BOLL: variants seen among roughly 807,000 people sequenced by gnomAD.
BOLL encodes protein boule-like.
Under a neutral mutation model 44.4 loss-of-function variants are expected in BOLL, and 23 were observed. That is an observed-to-expected ratio of 0.52 (90% confidence interval 0.37 to 0.73). BOLL has a LOEUF of 0.73. BOLL is among the 30% of genes least tolerant of loss of function. The pLI, the probability that BOLL is intolerant of heterozygous loss-of-function variation, is 0.00. For synonymous variants in BOLL, 97 were observed against 110.8 expected (o/e 0.88, Z 0.78); for missense variants, 287 against 338.3 (o/e 0.85, Z 1.19).
rs1689013957 is a variant in BOLL at position 197,766,623 on chromosome 2, G to T, written c.481-20C>A. 1 of 1,579,030 alleles carries T rather than the reference G, an allele frequency of 6.3e-7. No individual in the cohort carries two copies. Among genetic ancestry groups the T allele is most frequent in the East Asian group, 2.2e-5 (1 of 44,640 alleles). On this transcript the variant is annotated intron_variant, in intron 6 of 10. Coordinates refer to ENST00000392296, the MANE Select transcript of BOLL (RefSeq NM_033030.6). ...ACGTGACTATAAAAGGATGGAAAAA[G>T]AAAAATTAGGCAGAAGCCTTTAAAA...
intron 1 of BOLL, among the ~76,000 whole-genome samples, chr2:197,782,340 C>T (rs893957810): frequency 1.1e-4 from 16 of 152,074 alleles, no homozygotes; most frequent in Admixed American, 1.0e-3. Flanking sequence ...AAAACAAGAC[C>T]ACTCCATAAT....
chr2:197,757,142 A>G (rs1038188518), intron 8 of BOLL, among the ~76,000 whole-genome samples: 8 of 152,172 alleles, frequency 5.3e-5, no homozygotes. Flanking sequence ...ATCATTTGAT[A>G]TTCACAAAAA....
intron 9 of BOLL, among the ~76,000 whole-genome samples, chr2:197,747,766 T>C (rs915730441): frequency 6.6e-6 from 1 of 152,120 alleles, no homozygotes; most frequent in Admixed American, 6.6e-5. Flanking sequence ...AATTTCTTAA[T>C]CTTTCACCAC....
intron 9 of BOLL, among the ~76,000 whole-genome samples, chr2:197,754,057 G>C (rs1688388138): frequency 6.6e-6 from 1 of 152,134 alleles, no homozygotes; most frequent in African/African-American, 2.4e-5. Context: ...AACACTGCAT[G>C]TTCTCACTCA....
At chr2:197,756,747 T>C (rs1316550400) in intron 8 of BOLL, among the ~76,000 whole-genome samples, 191 bp from the exon 9 acceptor site, 1 of 152,140 alleles carries the variant, frequency 6.6e-6, no homozygotes, top group Non-Finnish European at 1.5e-5. Context: ...TAGATGTAGT[T>C]AAAGAATCTT....
At chr2:197,777,208 C>A in intron 3 of BOLL, 95 bp from the exon 4 acceptor site, 1 of 782,228 alleles carries the variant, frequency 1.3e-6, no homozygotes, top group Non-Finnish European at 1.9e-6. Flanking sequence ...TTTAAATCAT[C>A]GGCCACTGTA....
At chr2:197,734,006 A>G (rs1687347379) in intron 10 of BOLL, among the ~76,000 whole-genome samples, 2 of 151,770 alleles carry the variant, frequency 1.3e-5, no homozygotes, top group South Asian at 4.1e-4. Context: ...AAAAGAAACT[A>G]CCATCAGAGT....
intron 10 of BOLL, among the ~76,000 whole-genome samples, chr2:197,735,900 T>C (rs1265290202): frequency 6.6e-6 from 1 of 152,172 alleles, no homozygotes; most frequent in African/African-American, 2.4e-5. Flanking sequence ...GGTTTTCTTC[T>C]AACGTGGCTG....
intron 7 of BOLL, among the ~76,000 whole-genome samples, chr2:197,757,754 G>A (rs1033014019): frequency 6.6e-6 from 1 of 152,106 alleles, no homozygotes; most frequent in East Asian, 1.9e-4. Flanking sequence ...CCCACAGGAT[G>A]AGAGAAAACA....
chr2:197,728,382 A>C lies in BOLL; in HGVS notation c.*173T>G, dbSNP rs1372637080. The C allele has an allele frequency of 1.8e-6, 2 of 1,098,534 alleles. No homozygotes were observed. The highest frequency in any genetic ancestry group is 2.6e-6 in the Non-Finnish European group (2 of 777,226). 68.0% of individuals were successfully genotyped at this position (1,098,534 alleles called of 1,614,324 possible). The stretch of plus-strand genomic sequence containing the variant: ...TTTTGTAGAACAGCTGAAAAAGCAA[A>C]TTTCATCAAATTTAGACAGCTTATA... On this transcript the variant is annotated 3_prime_UTR_variant, in exon 11 of 11. Transcript: ENST00000392296.
Position 197,727,452 on chromosome 2 carries a change from G to C in BOLL, c.*1103C>G, listed in dbSNP as rs916087314. 2.6e-5 allele frequency: 4 copies of C among 152,262 alleles called. No individual in the cohort carries two copies. Among genetic ancestry groups the C allele is most frequent in the Admixed American group, 6.5e-5 (1 of 15,272 alleles). 9.4% of individuals were successfully genotyped at this position (152,262 alleles called of 1,614,324 possible). On this transcript the variant is annotated 3_prime_UTR_variant, in exon 11 of 11. Transcript: ENST00000392296. ...TTCCTGTACTACTGTAGAAATTTTA[G>C]AGATTAAAAACCCCTATGATTTGTT...
intron 6 of BOLL, among the ~76,000 whole-genome samples, chr2:197,769,072 A>G: frequency 6.6e-6 from 1 of 151,930 alleles, no homozygotes; most frequent in Non-Finnish European, 1.5e-5. Flanking sequence ...CCAGTATTTT[A>G]TTGAGGATTT....
At chr2:197,734,800 G>A (rs1687403063) in intron 10 of BOLL, among the ~76,000 whole-genome samples, 1 of 152,032 alleles carries the variant, frequency 6.6e-6, no homozygotes, top group South Asian at 2.1e-4. Flanking sequence ...CACACAGAGG[G>A]GACTGTTGCG....
chr2:197,727,795 G>C lies in BOLL; in HGVS notation c.*760C>G, dbSNP rs1686909825. 6.6e-6 allele frequency: 1 copy of C among 152,124 alleles called. No individual in the cohort carries two copies. The highest frequency in any genetic ancestry group is 2.1e-4 in the South Asian group (1 of 4,830). 9.4% of individuals were successfully genotyped at this position (152,124 alleles called of 1,614,324 possible). ...GGTGGATCCATATTTTATAAAATTTGATACCAAATAAATTATGTTATAGGA... is the reference window on the plus strand; with the variant it reads ...GGTGGATCCATATTTTATAAAATTTCATACCAAATAAATTATGTTATAGGA... On this transcript the variant is annotated 3_prime_UTR_variant, in exon 11 of 11. Coordinates refer to ENST00000392296, the MANE Select transcript of BOLL (RefSeq NM_033030.6).
At chr2:197,769,234 T>C (rs1457001466) in intron 6 of BOLL, among the ~76,000 whole-genome samples, 1 of 152,110 alleles carries the variant, frequency 6.6e-6, no homozygotes, top group Non-Finnish European at 1.5e-5. Context: ...TCAGAAGGAA[T>C]GGTACCAGCT....
At position 197,772,283 on chromosome 2, in the gene BOLL, G is replaced by T. The variant is rs112900086; in HGVS notation, c.353-301C>A. Among the ~76,000 whole-genome samples the T allele has an allele frequency of 7.1e-3, 1,081 of 152,012 alleles. 22 individuals carry two copies. The highest frequency in any genetic ancestry group is 0.024 in the African/African-American group (1,014 of 41,492). On this transcript the variant is annotated intron_variant, in intron 5 of 10. Coordinates refer to ENST00000392296, the MANE Select transcript of BOLL (RefSeq NM_033030.6). ...CAACACCAGTATGCTACACAAAGCT[G>T]AACAATTTAGACTATCATCAGCGAA...
intron 9 of BOLL, among the ~76,000 whole-genome samples, chr2:197,747,428 A>T (rs1327187331): frequency 6.6e-6 from 1 of 151,608 alleles, no homozygotes; most frequent in Non-Finnish European, 1.5e-5. Context: ...CTAAAAATAC[A>T]AAAAATTAGC....
intron 6 of BOLL, among the ~76,000 whole-genome samples, chr2:197,767,758 G>A (rs1336246842): frequency 6.6e-6 from 1 of 151,924 alleles, no homozygotes. Context: ...GGCTCAAAAT[G>A]TCAACAGTGC....
intron 4 of BOLL, among the ~76,000 whole-genome samples, chr2:197,776,266 A>G (rs1689508466): frequency 6.6e-6 from 1 of 151,898 alleles, no homozygotes; most frequent in Admixed American, 6.6e-5. Flanking sequence ...GCTGGCTAGC[A>G]CAAGAAGACT....
Sources: allele counts gnomAD v4.1 joint callset (sites outside exome capture counted in the v4.1 genomes callset), GRCh38; gene constraint gnomAD v4.1.1; transcripts MANE v1.5; gene names NCBI Gene and HGNC (gene_info 2026-07-23, HGNC 2026-07-21).